SLC60A1: variants seen among roughly 807,000 people sequenced by gnomAD.
SLC60A1 encodes the protein major facilitator superfamily domain containing 4.
the SLC60A1 span, among the ~76,000 whole-genome samples, chr1:205,570,755 T>C: frequency 6.6e-6 from 1 of 152,228 alleles, no homozygotes; most frequent in Non-Finnish European, 1.5e-5. Flanking sequence ...CCTAGAGGTT[T>C]AATTAGAAAC....
the SLC60A1 span, chr1:205,592,231 T>C: frequency 1.2e-6 from 2 of 1,614,126 alleles, no homozygotes; most frequent in Non-Finnish European, 1.7e-6. Flanking sequence ...GGCCTGTTTC[T>C]CAGCAGCACC....
chr1:205,586,595 C>A, the SLC60A1 span, among the ~76,000 whole-genome samples: 1,262 of 152,300 alleles, frequency 8.3e-3, 32 homozygotes, highest in Admixed American at 0.054. Context: ...CAGAGCCCTC[C>A]AGTCAGTGGA....
At chr1:205,586,343 G>A in the SLC60A1 span, 3 of 1,110,934 alleles carry the variant, frequency 2.7e-6, no homozygotes, top group Non-Finnish European at 3.9e-6. Flanking sequence ...GGGAAGAGAG[G>A]AGAGAGAGGA....
At chr1:205,581,882 C>T in the SLC60A1 span, among the ~76,000 whole-genome samples, 1 of 152,192 alleles carries the variant, frequency 6.6e-6, no homozygotes, top group East Asian at 1.9e-4. The surrounding 1 kb of genome is among the most constrained non-coding windows in gnomAD (Gnocchi z 4.2). Flanking sequence ...CAGTGAGCAG[C>T]AGGGCAAGGG....
chr1:205,600,478 C>T, the SLC60A1 span: 1 of 1,613,016 alleles, frequency 6.2e-7, no homozygotes, highest in Non-Finnish European at 8.5e-7. Context: ...GTGAAGAAGG[C>T]AAGAGAAGAC....
At chr1:205,580,496 C>T in the SLC60A1 span, among the ~76,000 whole-genome samples, 1 of 152,146 alleles carries the variant, frequency 6.6e-6, no homozygotes, top group Non-Finnish European at 1.5e-5. This position sits in a 1 kb window ranked among gnomAD's most constrained non-coding sequence, Gnocchi z 5.0. Context: ...TTCCTGCACC[C>T]ATGGCTCCCC....
the SLC60A1 span, chr1:205,602,626 T>G: frequency 6.6e-6 from 1 of 152,618 alleles, no homozygotes; most frequent in Non-Finnish European, 1.5e-5. Flanking sequence ...GATCCAACTT[T>G]TTTGAAAGCT....
At chr1:205,569,317 G>A in the SLC60A1 span, 1 of 1,474,394 alleles carries the variant, frequency 6.8e-7, no homozygotes, top group Non-Finnish European at 9.0e-7. Context: ...CCGCGCCCGT[G>A]CGCCCCCGCC....
the SLC60A1 span, chr1:205,569,334 C>T: frequency 3.6e-6 from 5 of 1,403,502 alleles, no homozygotes; most frequent in South Asian, 2.7e-5. Flanking sequence ...CGCCCCGCGG[C>T]CCCCGGCACC....
the SLC60A1 span, chr1:205,586,358 G>A: frequency 4.5e-5 from 46 of 1,030,938 alleles, no homozygotes; most frequent in African/African-American, 6.4e-5. Flanking sequence ...AGAGGATGAC[G>A]AGGAAGGGGT....
At chr1:205,602,181 T>C in the SLC60A1 span, 1 of 152,388 alleles carries the variant, frequency 6.6e-6, no homozygotes, top group African/African-American at 2.4e-5. Flanking sequence ...CAAATGTACA[T>C]GTATAAATAT....
the SLC60A1 span, chr1:205,597,920 A>G: frequency 1.4e-6 from 2 of 1,474,868 alleles, no homozygotes; most frequent in East Asian, 2.3e-5. Flanking sequence ...GAAGATGCAG[A>G]TAGCCACCTT....
chr1:205,600,708 T>C, the SLC60A1 span: 1 of 481,706 alleles, frequency 2.1e-6, no homozygotes, highest in Non-Finnish European at 3.7e-6. Flanking sequence ...GCTGTCCAGA[T>C]ACCCAGATGG....
At chr1:205,599,054 G>A in the SLC60A1 span, 7 of 1,576,020 alleles carry the variant, frequency 4.4e-6, no homozygotes, top group Non-Finnish European at 6.0e-6. Context: ...GCCAAGGATG[G>A]AGAAGGCTGC....
the SLC60A1 span, chr1:205,592,366 CTCTTT>C: frequency 2.2e-4 from 186 of 827,862 alleles, 4 homozygotes; most frequent in Middle Eastern, 1.4e-3. Flanking sequence ...TCTCTCTGTG[CTCTTT>C]TTTTTTTTTT....
chr1:205,597,605 A>C, the SLC60A1 span: 1 of 587,128 alleles, frequency 1.7e-6, no homozygotes. Context: ...GATATTGCCC[A>C]GACTGGTCTT....
the SLC60A1 span, chr1:205,569,418 CG>C: frequency 6.1e-5 from 38 of 623,424 alleles, no homozygotes; most frequent in Admixed American, 1.5e-4. Context: ...GGCTGCCCGT[CG>C]CCCCCGCCTC....
chr1:205,592,368 C>T, the SLC60A1 span: 18,634 of 398,472 alleles, frequency 0.047, 412 homozygotes, highest in East Asian at 0.091. Flanking sequence ...TCTCTGTGCT[C>T]TTTTTTTTTT....
the SLC60A1 span, chr1:205,579,839 G>T: frequency 5.6e-6 from 9 of 1,614,208 alleles, no homozygotes; most frequent in Non-Finnish European, 7.6e-6. Flanking sequence ...CGACGTGAAG[G>T]TGCTGGCCTC....
Sources: allele counts gnomAD v4.1 joint callset (sites outside exome capture counted in the v4.1 genomes callset), GRCh38; gene constraint gnomAD v4.1.1; non-coding constraint Gnocchi (gnomAD v3.1); transcripts MANE v1.5; gene names NCBI Gene and HGNC (gene_info 2026-07-23, HGNC 2026-07-21).